TCEA1: variants seen among roughly 807,000 people sequenced by gnomAD.
The protein encoded by TCEA1 is transcription elongation factor A1, also known as transcription elongation factor A protein 1.
Under a neutral mutation model 43.8 loss-of-function variants are expected in TCEA1, and 21 were observed. The observed-to-expected ratio is 0.48, with a 90% CI of 0.34 to 0.69. TCEA1 has a LOEUF of 0.69. Ranked by LOEUF, TCEA1 falls within the 30% of genes least tolerant of loss-of-function variation. The pLI, the probability that TCEA1 is intolerant of heterozygous loss-of-function variation, is 0.01. For synonymous variants in TCEA1, 104 were observed against 117.5 expected (o/e 0.88, Z 0.75); for missense variants, 250 against 365.1 (o/e 0.68, Z 2.57).
rs1803044663 is a variant in TCEA1 at position 53,968,163 on chromosome 8, A to G, written c.898-51T>C. On this transcript the variant is annotated intron_variant, in intron 9 of 9. Coordinates refer to ENST00000521604, the MANE Select transcript of TCEA1 (RefSeq NM_006756.4). ...TAAGACCTTTAAATACCAATAAGGT[A>G]CATTCCCCATTTAATACAGCATACA... 2.1e-6 allele frequency: 3 copies of G among 1,430,840 alleles called. 1 individual carries two copies. In the African/African-American group the frequency reaches 4.2e-5, roughly 20 times the overall value. 88.6% of individuals were successfully genotyped at this position (1,430,840 alleles called of 1,614,324 possible). A position where few individuals can be genotyped will look rare whatever the true frequency, so the allele number is the denominator to read the frequency against.
At chr8:53,973,314 G>A in intron 8 of TCEA1, 1 of 525,726 alleles carries the variant, frequency 1.9e-6, no homozygotes, top group Non-Finnish European at 3.6e-6. Context: ...AGATGGTCAA[G>A]AACAAATTGA....
chr8:53,996,962 C>T (rs370913335), intron 3 of TCEA1, among the ~76,000 whole-genome samples: 18 of 138,450 alleles, frequency 1.3e-4, no homozygotes, highest in African/African-American at 2.9e-4. Flanking sequence ...TTCAGTGGCG[C>T]GATCTCGGCT....
intron 2 of TCEA1, among the ~76,000 whole-genome samples, chr8:54,009,533 A>G (rs1412244074): frequency 6.6e-6 from 1 of 152,256 alleles, no homozygotes; most frequent in Non-Finnish European, 1.5e-5. Context: ...CACGGATGGA[A>G]CTGAAGTTAT....
At chr8:54,014,179 C>CTGCTGCCCTTA (rs1804747230) in intron 1 of TCEA1, among the ~76,000 whole-genome samples, 1 of 152,214 alleles carries the variant, frequency 6.6e-6, no homozygotes, top group Non-Finnish European at 1.5e-5. Flanking sequence ...AGGTCATGAA[C>CTGCTGCCCTTA]TAGTCGCCTG....
At chr8:53,979,343 T>G (rs1047926204) in intron 7 of TCEA1, among the ~76,000 whole-genome samples, 172 bp from the exon 8 acceptor site, 8 of 152,218 alleles carry the variant, frequency 5.3e-5, no homozygotes, top group Non-Finnish European at 1.2e-4. Flanking sequence ...TAATTCCTTT[T>G]AAAAATTTCT....
intron 1 of TCEA1, among the ~76,000 whole-genome samples, chr8:54,013,197 A>ATTT (rs1359533048): frequency 6.6e-6 from 1 of 152,166 alleles, no homozygotes; most frequent in Non-Finnish European, 1.5e-5. Flanking sequence ...TTCCAAGTAG[A>ATTT]GGCAATATAT....
At chr8:54,014,679 G>A (rs560589663) in intron 1 of TCEA1, among the ~76,000 whole-genome samples, 54 of 152,254 alleles carry the variant, frequency 3.5e-4, no homozygotes, top group African/African-American at 1.2e-3. Context: ...TGTACTATGT[G>A]CTCAGTATAC....
chr8:53,988,567 A>G (rs918124091), intron 4 of TCEA1, among the ~76,000 whole-genome samples: 6 of 152,208 alleles, frequency 3.9e-5, no homozygotes, highest in African/African-American at 1.4e-4. Flanking sequence ...CAATAAATGA[A>G]AAGCAATGAT....
chr8:54,002,513 G>T (rs1804304524), intron 2 of TCEA1, among the ~76,000 whole-genome samples: 1 of 148,320 alleles, frequency 6.7e-6, no homozygotes, highest in Admixed American at 6.8e-5. Flanking sequence ...GAGGTAGAAT[G>T]AAAAACAAAG....
chr8:53,997,635 C>A (rs766982568), intron 3 of TCEA1, among the ~76,000 whole-genome samples: 1 of 152,202 alleles, frequency 6.6e-6, no homozygotes, highest in Non-Finnish European at 1.5e-5. Flanking sequence ...CGATGGCTCA[C>A]GCCTATAAAC....
chr8:53,999,524 AAT>A (rs1804184551), intron 3 of TCEA1: 1 of 160,202 alleles, frequency 6.2e-6, no homozygotes, highest in Non-Finnish European at 1.4e-5. Flanking sequence ...TGTGTGTGCA[AAT>A]AGAGAAAGAA....
chr8:53,975,931 G>T (rs1406628573), intron 8 of TCEA1, among the ~76,000 whole-genome samples: 1 of 151,918 alleles, frequency 6.6e-6, no homozygotes, highest in Non-Finnish European at 1.5e-5. Flanking sequence ...CTTAAAAAGA[G>T]AACTCAGCAA....
chr8:54,002,964 G>C (rs914189286), intron 2 of TCEA1: 1 of 456,164 alleles, frequency 2.2e-6, no homozygotes, highest in African/African-American at 2.0e-5. Flanking sequence ...AGAAAGGAAT[G>C]AGTACTGAGA....
chr8:53,988,165 A>T lies in TCEA1; in HGVS notation c.415T>A (p.Ser139Thr). 2 of 1,612,880 alleles carry T rather than the reference A, an allele frequency of 1.2e-6. No homozygotes were observed. Among genetic ancestry groups the T allele is most frequent in the Non-Finnish European group, 1.7e-6 (2 of 1,179,548 alleles). Residue 139 changes from serine to threonine, a missense_variant, in exon 5 of 10, where the codon TCT becomes ACT. Ser to Thr is a moderately conservative substitution (Grantham distance 58). Around this residue, in one of 4 missense-constraint regions of TCEA1, gnomAD observed 147 missense variants for 160.3 expected, o/e 0.92. Transcript: ENST00000521604. ...SFPRAPSTSD[S>T]VRLKCREMLA... ...ATCTCCCTACACTTCAACCGCACAGAATCAGAAGTGCTTGGTGCCCGAGGA... is the reference window on the plus strand; with the variant it reads ...ATCTCCCTACACTTCAACCGCACAGTATCAGAAGTGCTTGGTGCCCGAGGA...
At chr8:54,001,875 G>A (rs749696581) in intron 2 of TCEA1, among the ~76,000 whole-genome samples, 7 of 152,044 alleles carry the variant, frequency 4.6e-5, no homozygotes, top group Non-Finnish European at 1.0e-4. Context: ...GGGGCACGGT[G>A]GCTCACACCT....
chr8:54,001,515 A>G (rs1294093754), intron 2 of TCEA1, among the ~76,000 whole-genome samples: 1 of 152,208 alleles, frequency 6.6e-6, no homozygotes, highest in Non-Finnish European at 1.5e-5. Flanking sequence ...TAAAGCCCCA[A>G]ACAATTTGGG....
chr8:54,012,758 T>TGACC (rs985724531), intron 1 of TCEA1, among the ~76,000 whole-genome samples: 2 of 152,078 alleles, frequency 1.3e-5, no homozygotes, highest in African/African-American at 4.8e-5. Flanking sequence ...CAACACAGCA[T>TGACC]GACCCCCTCT....
At chr8:53,999,730 C>G in intron 3 of TCEA1, 1 of 457,180 alleles carries the variant, frequency 2.2e-6, no homozygotes, top group Non-Finnish European at 3.9e-6. Flanking sequence ...CCAGTTGTGT[C>G]AAAAGTTAAG....
intron 1 of TCEA1, among the ~76,000 whole-genome samples, chr8:54,012,378 A>G (rs140537288): frequency 6.6e-6 from 1 of 152,122 alleles, no homozygotes; most frequent in Non-Finnish European, 1.5e-5. Context: ...TAACCAAGAT[A>G]GTGAAACCCT....
Sources: gnomAD v4.1 joint callset for allele counts (sites outside exome capture counted in the v4.1 genomes callset) on GRCh38, gnomAD v4.1.1 for gene constraint, gnomAD v4.1.1 regional missense constraint, MANE v1.5 for transcripts, NCBI Gene and HGNC (gene_info 2026-07-23, HGNC 2026-07-21) for gene names.